MZT2B: variants seen among roughly 807,000 people sequenced by gnomAD.
The protein encoded by MZT2B is mitotic-spindle organizing protein 2B.
Under a neutral mutation model 12.1 loss-of-function variants are expected in MZT2B, and 11 were observed. That is an observed-to-expected ratio of 0.91 (90% confidence interval 0.57 to 1.50). MZT2B has a LOEUF of 1.50. Among genes scored for constraint, MZT2B ranks in the 40% most tolerant of loss-of-function variants. MZT2B has a pLI of 0.00. For missense variants in MZT2B, 209 were observed against 227.7 expected, an observed-to-expected ratio of 0.92 and a Z score of 0.53; for synonymous variants, 85 against 109.5, an observed-to-expected ratio of 0.78 and a Z score of 1.40.
At chr2:130,194,187 T>C, downstream of MZT2B, 10 of 1,613,310 alleles carry the variant, frequency 6.2e-6, no homozygotes, top group Non-Finnish European at 8.5e-6. Context: ...GGACGTTCAA[T>C]GTCCAGGTTG....
downstream of MZT2B, among the ~76,000 whole-genome samples, chr2:130,193,252 A>AAAAT (rs1044147043): frequency 3.3e-5 from 5 of 151,916 alleles, no homozygotes; most frequent in East Asian, 1.9e-4. Flanking sequence ...CCTGTCTCAA[A>AAAAT]AAATAAATAA....
At position 130,182,565 on chromosome 2, in the gene MZT2B, C is replaced by T. The variant is rs1689774811; in HGVS notation, c.171-62C>T. ...GCCCCCGCCCCCGTCCTTGTCGGGT[C>T]TTCAGGGAGGTGGCCGCGCCGGGCG... is the stretch of plus-strand genomic sequence containing the variant. On this transcript the variant is annotated intron_variant, in intron 1 of 2. Coordinates refer to ENST00000281871, the MANE Select transcript of MZT2B (RefSeq NM_025029.5). The T allele has an allele frequency of 7.0e-6, 11 of 1,567,262 alleles. No homozygotes were observed. In the South Asian group the frequency reaches 1.2e-4, roughly 17 times the overall value.
chr2:130,198,901 C>G, the MZT2B span, among the ~76,000 whole-genome samples: 1 of 124,146 alleles, frequency 8.1e-6, no homozygotes, highest in Non-Finnish European at 1.8e-5. Context: ...AGGATTCAAT[C>G]ACTTTTCTGA....
chr2:130,197,436 G>A, the MZT2B span, among the ~76,000 whole-genome samples: 251 of 105,748 alleles, frequency 2.4e-3, 32 homozygotes, highest in African/African-American at 8.4e-3. Flanking sequence ...GCAGGGAGCC[G>A]TGATCTTGCA....
intron 2 of MZT2B, among the ~76,000 whole-genome samples, chr2:130,188,460 CA>C (rs1338790825): frequency 1.3e-5 from 2 of 152,214 alleles, no homozygotes; most frequent in Non-Finnish European, 2.9e-5. Flanking sequence ...GTTTGTACCA[CA>C]AGAGATGCGT....
chr2:130,190,229 A>G (rs943655820), intron 2 of MZT2B, among the ~76,000 whole-genome samples: 7 of 152,124 alleles, frequency 4.6e-5, no homozygotes, highest in Admixed American at 1.3e-4. Flanking sequence ...TGCTCCTTGC[A>G]TGGCTTTGCT....
At chr2:130,193,468 G>A (rs1016376466), downstream of MZT2B, among the ~76,000 whole-genome samples, 5 of 151,754 alleles carry the variant, frequency 3.3e-5, no homozygotes, top group African/African-American at 9.7e-5. Context: ...AATTAGCCGG[G>A]CATGGTGGCA....
chr2:130,185,171 C>T lies in MZT2B; in HGVS notation c.319+2396C>T, dbSNP rs13402079. Among the ~76,000 whole-genome samples, 418 of 152,146 alleles carry T rather than the reference C, an allele frequency of 2.7e-3. 1 individual carries two copies. The highest frequency in any genetic ancestry group is 9.0e-3 in the African/African-American group (374 of 41,512). On this transcript the variant is annotated intron_variant, in intron 2 of 2. Coordinates refer to ENST00000281871, the MANE Select transcript of MZT2B (RefSeq NM_025029.5). Reference sequence around the variant, plus strand: ...AAAAATACAAAAAAAATTAGCTGGGCGTGGTGGCAGGTGCCTGTAGTCCCA... The same window carrying T: ...AAAAATACAAAAAAAATTAGCTGGGTGTGGTGGCAGGTGCCTGTAGTCCCA...
rs147841699 is a variant in MZT2B, at chr2:130,184,499, G to C, written c.319+1724G>C. On this transcript the variant is annotated intron_variant, in intron 2 of 2. Coordinates refer to ENST00000281871, the MANE Select transcript of MZT2B (RefSeq NM_025029.5). ...GAGTTAGCACACTTTCCAGGTGTCA[G>C]CAGGTGTGATCAGGGGCTCAGAGCC... The C allele has an allele frequency of 2.9e-3, 2,900 of 985,472 alleles. 8 individuals are homozygous for C. The highest frequency in any genetic ancestry group is 3.3e-3 in the Non-Finnish European group (2,734 of 829,936). 61.0% of individuals were successfully genotyped at this position (985,472 alleles called of 1,614,324 possible).
intron 2 of MZT2B, among the ~76,000 whole-genome samples, chr2:130,185,410 G>A (rs1482852571): frequency 2.7e-5 from 4 of 150,918 alleles, no homozygotes; most frequent in African/African-American, 7.3e-5. Flanking sequence ...TGAGCCTGAG[G>A]GGGATGTTGC....
At chr2:130,187,562 C>T (rs565863569) in intron 2 of MZT2B, among the ~76,000 whole-genome samples, 17 of 152,212 alleles carry the variant, frequency 1.1e-4, no homozygotes, top group South Asian at 6.2e-4. Context: ...AGGGACCAGG[C>T]GTAGGGGCAT....
downstream of MZT2B, chr2:130,194,050 GCGGGGGTA>G (rs1690340226): frequency 6.2e-7 from 1 of 1,614,116 alleles, no homozygotes; most frequent in African/African-American, 1.3e-5. Flanking sequence ...GGAAGTGGAT[GCGGGGGTA>G]CGGCACGAGG....
downstream of MZT2B, chr2:130,193,856 T>C (rs1294286377): frequency 1.2e-5 from 20 of 1,614,052 alleles, no homozygotes; most frequent in East Asian, 8.9e-5. Context: ...GATGGCCGCA[T>C]TGACGTCTTT....
At chr2:130,201,085 A>G in the MZT2B span, among the ~76,000 whole-genome samples, 1 of 152,226 alleles carries the variant, frequency 6.6e-6, no homozygotes, top group Non-Finnish European at 1.5e-5. Flanking sequence ...GAGCTCCCCC[A>G]GTGGGATGGG....
At chr2:130,195,349 T>C (rs1342706743), downstream of MZT2B, 14 of 1,409,444 alleles carry the variant, frequency 9.9e-6, no homozygotes, top group East Asian at 2.5e-4. Context: ...CTACATGTCA[T>C]AGGTCAACAG....
the MZT2B span, chr2:130,196,381 G>GGAACATAAATGTGAACCC: frequency 6.2e-7 from 1 of 1,610,334 alleles, no homozygotes; most frequent in Non-Finnish European, 8.5e-7. Flanking sequence ...GCTGTGAACC[G>GGAACATAAATGTGAACCC]GAACATAAAT....
At chr2:130,181,715 A>G (rs1968676), upstream of MZT2B, 596,093 of 1,549,306 alleles carry the variant, frequency 0.38, 116,867 homozygotes, top group African/African-American at 0.58. Flanking sequence ...GGCGGGGAAG[A>G]GAAATGGCGA....
chr2:130,184,954 C>G, intron 2 of MZT2B: 2 of 924,726 alleles, frequency 2.2e-6, no homozygotes, highest in Non-Finnish European at 2.6e-6. Context: ...CCCTTGAGCT[C>G]AGGAGTTCAA....
chr2:130,194,941 G>C (rs1450690701), downstream of MZT2B: 1 of 1,490,136 alleles, frequency 6.7e-7, no homozygotes, highest in African/African-American at 1.4e-5. Flanking sequence ...GCCTCTCAAA[G>C]TGCTGGGATT....
Sources: allele counts gnomAD v4.1 joint callset (sites outside exome capture counted in the v4.1 genomes callset), GRCh38; gene constraint gnomAD v4.1.1; transcripts MANE v1.5; gene names NCBI Gene and HGNC (gene_info 2026-07-23, HGNC 2026-07-21).